The following RGS7BP variants were observed in gnomAD, a reference collection of about 807,000 sequenced individuals.
RGS7BP encodes regulator of G protein signaling 7-binding protein.
In RGS7BP, 9 loss-of-function variants were observed where a neutral mutation model predicts 31.3. That is an observed-to-expected ratio of 0.29 (90% confidence interval 0.17 to 0.50). The LOEUF (loss-of-function observed/expected upper bound fraction) is 0.50. RGS7BP is among the 20% of genes least tolerant of loss of function. The probability of loss-of-function intolerance (pLI) is 0.98; values close to 1 mark genes in which losing one functional copy is unlikely to be tolerated. For missense variants in RGS7BP, 274 were observed against 322.0 expected (o/e 0.85, Z 1.14); for synonymous variants, 115 against 120.1 (o/e 0.96, Z 0.28).
intron 2 of RGS7BP, among the ~76,000 whole-genome samples, chr5:64,571,241 T>A (rs1311463688): frequency 6.6e-6 from 1 of 152,140 alleles, no homozygotes; most frequent in African/African-American, 2.4e-5. Context: ...CTATGTTGTT[T>A]TGAGGATCAG....
chr5:64,545,169 A>G, intron 2 of RGS7BP, among the ~76,000 whole-genome samples: 1 of 150,740 alleles, frequency 6.6e-6, no homozygotes, highest in Admixed American at 6.6e-5. Context: ...GAGTGAGACA[A>G]TGTCTTTGAA....
intron 2 of RGS7BP, among the ~76,000 whole-genome samples, chr5:64,542,151 G>C (rs1741543779): frequency 6.6e-6 from 1 of 152,166 alleles, no homozygotes; most frequent in South Asian, 2.1e-4. Flanking sequence ...AGAGTTGAAA[G>C]TTTAGGGTAG....
chr5:64,560,420 T>C (rs186052397), intron 2 of RGS7BP, among the ~76,000 whole-genome samples: 39 of 152,238 alleles, frequency 2.6e-4, no homozygotes, highest in Non-Finnish European at 5.1e-4. Context: ...GCTGAGTCTG[T>C]GGGCTTCAAA....
At chr5:64,596,343 T>C (rs927858271) in intron 4 of RGS7BP, among the ~76,000 whole-genome samples, 10 of 152,174 alleles carry the variant, frequency 6.6e-5, no homozygotes, top group Middle Eastern at 3.2e-3. Context: ...GGTCTCAAAC[T>C]GGACTGCACA....
chr5:64,506,738 C>T lies in RGS7BP; in HGVS notation c.114C>T (p.Ser38=), dbSNP rs555466122. 65 of 1,605,742 alleles carry T rather than the reference C, an allele frequency of 4.0e-5. No individual in the cohort carries two copies. The highest frequency in any genetic ancestry group is 5.4e-5 in the Non-Finnish European group (63 of 1,173,494). The change falls in exon 1 of 6, where the codon AGC becomes AGT. Residue 38 remains serine (S), a synonymous_variant. Coordinates refer to ENST00000334025, the MANE Select transcript of RGS7BP (RefSeq NM_001029875.3). The surrounding 1 kb of genome is among the most constrained non-coding windows in gnomAD (Gnocchi z 4.6). ...LQSGDWERRG[S]GSESAHKTQR... is the part of the protein sequence containing the mutation. ...GCGGAGATTGGGAGCGCAGGGGCAG[C>T]GGCTCCGAGAGCGCCCACAAAACCC...
rs996517146 is a variant in RGS7BP at position 64,612,275 on chromosome 5, A to G, written c.*3023A>G. 1.3e-5 allele frequency: 2 copies of G among 152,256 alleles called. No homozygotes were observed. The highest frequency in any genetic ancestry group is 2.9e-5 in the Non-Finnish European group (2 of 67,874). 9.4% of individuals were successfully genotyped at this position (152,256 alleles called of 1,614,324 possible). ...GTAAGATAAGTGAAGAAATGCCCAC[A>G]AGGCCAAGGTGTCACTTAAAAAAAC... On this transcript the variant is annotated 3_prime_UTR_variant, in exon 6 of 6. Coordinates refer to ENST00000334025, the MANE Select transcript of RGS7BP (RefSeq NM_001029875.3).
At chr5:64,577,855 T>TG (rs1742478171) in intron 3 of RGS7BP, among the ~76,000 whole-genome samples, 1 of 152,190 alleles carries the variant, frequency 6.6e-6, no homozygotes, top group South Asian at 2.1e-4. Context: ...TATTCCCAGG[T>TG]CTGCATTGGC....
intron 2 of RGS7BP, among the ~76,000 whole-genome samples, chr5:64,526,138 A>C (rs1174763314): frequency 6.6e-6 from 1 of 152,248 alleles, no homozygotes; most frequent in Non-Finnish European, 1.5e-5. Flanking sequence ...CGAGAGCCAG[A>C]TCTCAAATCC....
intron 3 of RGS7BP, among the ~76,000 whole-genome samples, chr5:64,586,216 T>C (rs1047871078): frequency 1.3e-5 from 2 of 152,138 alleles, no homozygotes; most frequent in Non-Finnish European, 2.9e-5. Flanking sequence ...TTTCCAGGTT[T>C]GGATGGCTCT....
chr5:64,555,951 T>C (rs1741913205), intron 2 of RGS7BP, among the ~76,000 whole-genome samples: 1 of 152,126 alleles, frequency 6.6e-6, no homozygotes, highest in Non-Finnish European at 1.5e-5. Context: ...GGCTACCATA[T>C]TGCTCAGCAC....
chr5:64,518,199 T>C (rs1749021976), intron 2 of RGS7BP, among the ~76,000 whole-genome samples: 1 of 152,158 alleles, frequency 6.6e-6, no homozygotes, highest in Non-Finnish European at 1.5e-5. Flanking sequence ...TTATAAACCT[T>C]TTCATCATAT....
At chr5:64,528,810 C>CAAAAAAAAAA (rs61488452) in intron 2 of RGS7BP, among the ~76,000 whole-genome samples, 1 of 65,272 alleles carries the variant, frequency 1.5e-5, no homozygotes, top group African/African-American at 5.9e-5. Flanking sequence ...GACTCCATCT[C>CAAAAAAAAAA]AAAAAAAAAA....
At chr5:64,602,772 C>T (rs1447667489) in intron 5 of RGS7BP, among the ~76,000 whole-genome samples, 1 of 152,104 alleles carries the variant, frequency 6.6e-6, no homozygotes, top group Non-Finnish European at 1.5e-5. Flanking sequence ...TATAATAATG[C>T]CATAACAGTT....
chr5:64,544,506 C>G (rs2111819212), intron 2 of RGS7BP, among the ~76,000 whole-genome samples: 1 of 117,476 alleles, frequency 8.5e-6, no homozygotes, highest in South Asian at 2.5e-4. Flanking sequence ...GAGACCCTGT[C>G]TCTGAAAAAA....
At chr5:64,556,826 C>T (rs554472197) in intron 2 of RGS7BP, among the ~76,000 whole-genome samples, 2 of 151,548 alleles carry the variant, frequency 1.3e-5, no homozygotes, top group South Asian at 2.1e-4. Flanking sequence ...AAAAAAAAAT[C>T]TCTGTGTGTG....
At chr5:64,594,663 A>T in intron 3 of RGS7BP, 47 bp from the exon 4 acceptor site, 5 of 1,603,740 alleles carry the variant, frequency 3.1e-6, no homozygotes, top group Non-Finnish European at 3.4e-6. Context: ...ACCTGCCTTT[A>T]TGATTTCTTT....
At chr5:64,527,926 A>G (rs991855121) in intron 2 of RGS7BP, among the ~76,000 whole-genome samples, 141 of 152,180 alleles carry the variant, frequency 9.3e-4, no homozygotes, top group African/African-American at 3.3e-3. Flanking sequence ...GGTAAATACT[A>G]AGAGAGAGAA....
At chr5:64,594,318 C>G (rs1743001865) in intron 3 of RGS7BP, among the ~76,000 whole-genome samples, 1 of 152,066 alleles carries the variant, frequency 6.6e-6, no homozygotes, top group Admixed American at 6.6e-5. Context: ...CTGCTCCTGG[C>G]CCTTTTACCT....
At chr5:64,557,681 G>A (rs1741960716) in intron 2 of RGS7BP, among the ~76,000 whole-genome samples, 1 of 152,126 alleles carries the variant, frequency 6.6e-6, no homozygotes, top group Non-Finnish European at 1.5e-5. Context: ...CACTGTAAGT[G>A]ATGTATTTAG....
Sources: gnomAD v4.1 joint callset for allele counts (sites outside exome capture counted in the v4.1 genomes callset) on GRCh38, gnomAD v4.1.1 for gene constraint, Gnocchi (gnomAD v3.1) non-coding constraint, MANE v1.5 for transcripts, NCBI Gene and HGNC (gene_info 2026-07-23, HGNC 2026-07-21) for gene names.